The following CNOT4 variants were observed in gnomAD, a reference collection of about 807,000 sequenced individuals.
CNOT4 encodes the protein CCR4-NOT transcription complex subunit 4.
In CNOT4, 8 loss-of-function variants were observed where a neutral mutation model predicts 73.8. That is an observed-to-expected ratio of 0.11 (90% CI 0.06 to 0.20). The LOEUF is 0.20. Ranked by LOEUF, CNOT4 falls within the 10% of genes least tolerant of loss-of-function variation. CNOT4 has a pLI of 1.00. For synonymous variants in CNOT4, 293 were observed against 321.1 expected (o/e 0.91, Z 0.94); for missense variants, 564 against 883.4 (o/e 0.64, Z 4.58).
At chr7:135,390,957 A>C (rs576654980) in intron 10 of CNOT4, among the ~76,000 whole-genome samples, 15 of 152,236 alleles carry the variant, frequency 9.9e-5, no homozygotes, top group South Asian at 4.1e-4. Flanking sequence ...CCATTACTGA[A>C]GCATTTAGTG....
intron 7 of CNOT4, among the ~76,000 whole-genome samples, chr7:135,405,904 T>C (rs183096540): frequency 6.6e-6 from 1 of 152,300 alleles, no homozygotes; most frequent in African/African-American, 2.4e-5. Context: ...TTTCTTGCAA[T>C]TCTTTCTGTA....
intron 1 of CNOT4, among the ~76,000 whole-genome samples, chr7:135,499,316 G>C (rs1803808278): frequency 2.0e-5 from 3 of 151,852 alleles, no homozygotes; most frequent in Admixed American, 2.0e-4. Flanking sequence ...TGTAGATAAA[G>C]GCAGCCAAAA....
chr7:135,414,142 T>G (rs969079141), intron 5 of CNOT4, among the ~76,000 whole-genome samples, 189 bp downstream of exon 5: 9 of 151,994 alleles, frequency 5.9e-5, no homozygotes, highest in Admixed American at 5.9e-4. Flanking sequence ...TTTATTCCTA[T>G]CTGGTAAAAG....
chr7:135,490,281 G>C (rs1271907394), intron 1 of CNOT4, among the ~76,000 whole-genome samples: 1 of 152,132 alleles, frequency 6.6e-6, no homozygotes, highest in African/African-American at 2.4e-5. Context: ...TTTCTGAAGG[G>C]TTTCGAGTAG....
intron 1 of CNOT4, among the ~76,000 whole-genome samples, chr7:135,446,203 C>A (rs1017270674): frequency 6.6e-6 from 1 of 152,018 alleles, no homozygotes; most frequent in Non-Finnish European, 1.5e-5. Flanking sequence ...TATGAGGTAT[C>A]TAGAATAGAC....
chr7:135,380,998 G>A (rs1258475857), intron 10 of CNOT4, among the ~76,000 whole-genome samples: 2 of 152,150 alleles, frequency 1.3e-5, no homozygotes, highest in African/African-American at 4.8e-5. Context: ...ATGAGGAAAA[G>A]CTATGAAATA....
chr7:135,381,083 T>C (rs1795820700), intron 10 of CNOT4, among the ~76,000 whole-genome samples: 2 of 152,172 alleles, frequency 1.3e-5, no homozygotes, highest in African/African-American at 4.8e-5. Context: ...ATAGGGTCTT[T>C]GGTTCCTTCA....
intron 1 of CNOT4, among the ~76,000 whole-genome samples, chr7:135,485,552 T>C (rs757024167): frequency 2.6e-5 from 4 of 152,146 alleles, no homozygotes; most frequent in African/African-American, 4.8e-5. Flanking sequence ...AAGAGACATA[T>C]AGACTAATAG....
chr7:135,417,935 T>G (rs1322477140), intron 3 of CNOT4, among the ~76,000 whole-genome samples: 1 of 152,236 alleles, frequency 6.6e-6, no homozygotes, highest in East Asian at 1.9e-4. Flanking sequence ...ATGCTATCCC[T>G]TGTGCCTTTA....
chr7:135,388,011 T>C, intron 10 of CNOT4: 1 of 985,128 alleles, frequency 1.0e-6, no homozygotes, highest in Non-Finnish European at 1.2e-6. Flanking sequence ...CTACTATGGT[T>C]GCTTTTCACA....
chr7:135,443,027 C>T (rs1455603599), intron 1 of CNOT4, among the ~76,000 whole-genome samples: 1 of 151,910 alleles, frequency 6.6e-6, no homozygotes. Context: ...CCACTGTACT[C>T]TAGCCTGGGT....
chr7:135,379,542 G>A (rs1341154651), intron 10 of CNOT4, among the ~76,000 whole-genome samples: 1 of 152,138 alleles, frequency 6.6e-6, no homozygotes, highest in Non-Finnish European at 1.5e-5. Context: ...TGGGGATTGG[G>A]GGGAGTAGGG....
intron 2 of CNOT4, among the ~76,000 whole-genome samples, chr7:135,436,788 A>C (rs1799181047): frequency 6.6e-6 from 1 of 151,288 alleles, no homozygotes; most frequent in Non-Finnish European, 1.5e-5. Flanking sequence ...ATCTAATGAT[A>C]AATAAACAAT....
At position 135,414,387 on chromosome 7, in the gene CNOT4, C is replaced by T. The variant is rs371838377; in HGVS notation, c.505G>A (p.Ala169Thr). The T allele has an allele frequency of 4.0e-5, 63 of 1,567,054 alleles. No homozygotes were observed. Among genetic ancestry groups the T allele is most frequent in the Non-Finnish European group, 2.0e-5 (23 of 1,139,022 alleles). The change falls in exon 5 of 12, where the codon GCT (alanine) becomes ACT (threonine). Residue 169 changes from alanine to threonine, a missense_variant. Physicochemically the swap from Ala to Thr is moderately conservative, Grantham distance 58. Transcript: ENST00000541284. Reference sequence around the variant, plus strand: ...TTGACACACTGTATGGCTCTGAGAGCGTCTTCTGACCGGATATAGGTTACA... The same window carrying T: ...TTGACACACTGTATGGCTCTGAGAGTGTCTTCTGACCGGATATAGGTTACA... ...AYVTYIRSED[A>T]LRAIQCVNNV...
intron 8 of CNOT4, 93 bp from the exon 9 acceptor site, chr7:135,395,976 T>C (rs1030294395): frequency 5.1e-6 from 4 of 790,190 alleles, no homozygotes; most frequent in Non-Finnish European, 8.2e-6. Context: ...ATTAGAATAG[T>C]GTTTCACAAA....
At chr7:135,478,380 A>AAT (rs1802134015) in intron 1 of CNOT4, among the ~76,000 whole-genome samples, 1 of 152,190 alleles carries the variant, frequency 6.6e-6, no homozygotes, top group South Asian at 2.1e-4. Flanking sequence ...CTGGATATTG[A>AAT]ATATATTCAT....
intron 1 of CNOT4, among the ~76,000 whole-genome samples, chr7:135,454,704 C>A (rs906945594): frequency 6.6e-6 from 1 of 151,806 alleles, no homozygotes; most frequent in African/African-American, 2.4e-5. Context: ...CCAGCCTGGG[C>A]AACGTGGTGA....
At chr7:135,381,103 T>C (rs1795822541) in intron 10 of CNOT4, among the ~76,000 whole-genome samples, 1 of 152,060 alleles carries the variant, frequency 6.6e-6, no homozygotes. Context: ...AAAAAAAAAT[T>C]GGAGAAAGAC....
At chr7:135,429,481 T>C (rs915603878) in intron 2 of CNOT4, among the ~76,000 whole-genome samples, 1 of 152,186 alleles carries the variant, frequency 6.6e-6, no homozygotes, top group African/African-American at 2.4e-5. Context: ...AAATAATACA[T>C]CCATATTGCT....
Sources: gnomAD v4.1 joint callset for allele counts (sites outside exome capture counted in the v4.1 genomes callset) on GRCh38, gnomAD v4.1.1 for gene constraint, MANE v1.5 for transcripts, NCBI Gene and HGNC (gene_info 2026-07-23, HGNC 2026-07-21) for gene names.